The following RFX3 variants were observed in gnomAD, a reference collection of about 807,000 sequenced individuals.
RFX3 encodes the protein transcription factor RFX3.
A neutral mutation model predicts 98.6 loss-of-function variants in RFX3; 14 were observed. The observed-to-expected ratio is 0.14, with a 90% CI of 0.09 to 0.22. The LOEUF (loss-of-function observed/expected upper bound fraction) is 0.22. RFX3 is among the 10% of genes least tolerant of loss of function. The pLI is 1.00. For synonymous variants in RFX3, 383 were observed against 328.4 expected (o/e 1.17, Z -1.80); for missense variants, 639 against 926.9 (o/e 0.69, Z 4.03).
At chr9:3,451,421 G>A (rs1029024964) in intron 1 of RFX3, among the ~76,000 whole-genome samples, 3 of 152,076 alleles carry the variant, frequency 2.0e-5, no homozygotes, top group African/African-American at 7.2e-5. Context: ...TGGCGTGTCT[G>A]TAGTCCCAGC....
intron 7 of RFX3, among the ~76,000 whole-genome samples, chr9:3,277,907 G>T (rs1407682118): frequency 6.6e-6 from 1 of 151,904 alleles, no homozygotes; most frequent in African/African-American, 2.4e-5. Context: ...AACATGATCA[G>T]CCTACAAATC....
intron 14 of RFX3, among the ~76,000 whole-genome samples, chr9:3,253,222 A>C (rs1310567963): frequency 6.6e-6 from 1 of 152,158 alleles, no homozygotes; most frequent in Non-Finnish European, 1.5e-5. Flanking sequence ...GCCTCTTCTG[A>C]GTGTTTGAAG....
rs1851116480 is a variant in RFX3 at position 3,496,469 on chromosome 9, T to C, written c.-9+29278A>G. On this transcript the variant is annotated intron_variant, in intron 1 of 16. Transcript: ENST00000617270. ...TTTTGTTTCTGATTGTCTACTGCCA[T>C]GTTACTATTTTCAGCTGCTACCCTC... Among the ~76,000 whole-genome samples the C allele has an allele frequency of 3.3e-5, 5 of 152,042 alleles. No individual in the cohort carries two copies. In the South Asian group the frequency reaches 1.0e-3, roughly 31 times the overall value.
intron 2 of RFX3, among the ~76,000 whole-genome samples, chr9:3,365,253 T>A (rs1393961537): frequency 1.5e-5 from 2 of 133,826 alleles, no homozygotes; most frequent in South Asian, 2.3e-4. Flanking sequence ...TGAGCCGAGA[T>A]CACACCATTG....
In RFX3 at chr9:3,469,402, C is replaced by T. The variant is rs556932431; in HGVS notation, c.-9+56345G>A. Reference sequence around the variant, plus strand: ...TTTAAGGATCAACTTGGGTATTTTTCCAGGACACCCAATAAGGATGAAAAC... The same window carrying T: ...TTTAAGGATCAACTTGGGTATTTTTTCAGGACACCCAATAAGGATGAAAAC... On this transcript the variant is annotated intron_variant, in intron 1 of 16. Transcript: ENST00000617270. Among the ~76,000 whole-genome samples, 279 of 152,082 alleles carry T rather than the reference C, an allele frequency of 1.8e-3. 1 individual carries two copies. Among genetic ancestry groups the T allele is most frequent in the African/African-American group, 6.4e-3 (266 of 41,468 alleles).
At chr9:3,388,638 T>A (rs1422725474) in intron 2 of RFX3, among the ~76,000 whole-genome samples, 2 of 152,046 alleles carry the variant, frequency 1.3e-5, no homozygotes, top group African/African-American at 4.8e-5. Flanking sequence ...TGAAAGGAGC[T>A]TTTATGGCAT....
Position 3,395,635 on chromosome 9 carries a change from A to G in RFX3, c.-8-39T>C, listed in dbSNP as rs1840778466. On this transcript the variant is annotated intron_variant, in intron 1 of 16. Coordinates refer to ENST00000617270, the MANE Select transcript of RFX3 (RefSeq NM_001282116.2). ...AAATGAAATTAAAGTTTAAAATGTC[A>G]CTCCTGCATGACTAGCTTCCTTACA... The G allele has an allele frequency of 1.9e-6, 3 of 1,602,136 alleles. No homozygotes were observed. The African/African-American group carries it at 4.0e-5, about 21-fold the overall frequency.
intron 1 of RFX3, among the ~76,000 whole-genome samples, chr9:3,443,582 C>T (rs775104203): frequency 1.3e-5 from 2 of 152,196 alleles, no homozygotes; most frequent in African/African-American, 4.8e-5. Flanking sequence ...ATATGCACCA[C>T]ATTTTCTTTA....
chr9:3,265,606 C>G (rs75711262), intron 12 of RFX3, among the ~76,000 whole-genome samples: 4 of 152,150 alleles, frequency 2.6e-5, no homozygotes, highest in African/African-American at 9.7e-5. Context: ...CTGGAAGCAG[C>G]ATGGCTAGTA....
chr9:3,506,060 T>C (rs535413576), intron 1 of RFX3, among the ~76,000 whole-genome samples: 1 of 151,710 alleles, frequency 6.6e-6, no homozygotes, highest in Non-Finnish European at 1.5e-5. Flanking sequence ...CTTACAGAAA[T>C]TGAAGAGCAC....
At chr9:3,302,650 T>C (rs1282533836) in intron 4 of RFX3, among the ~76,000 whole-genome samples, 1 of 151,852 alleles carries the variant, frequency 6.6e-6, no homozygotes, top group Non-Finnish European at 1.5e-5. Flanking sequence ...CTTTAAAACA[T>C]ATTTAACTTT....
At chr9:3,414,507 A>G (rs34283600) in intron 1 of RFX3, among the ~76,000 whole-genome samples, 12,494 of 150,646 alleles carry the variant, frequency 0.083, 557 homozygotes, top group East Asian at 0.1. Flanking sequence ...ATATACATAT[A>G]TAAGAGTATA....
At chr9:3,376,033 T>C (rs1400409924) in intron 2 of RFX3, among the ~76,000 whole-genome samples, 1 of 152,042 alleles carries the variant, frequency 6.6e-6, no homozygotes, top group African/African-American at 2.4e-5. Context: ...AATAGTAAGC[T>C]CTCAGTAGGC....
chr9:3,374,057 G>A (rs780474276), intron 2 of RFX3, among the ~76,000 whole-genome samples: 10 of 151,332 alleles, frequency 6.6e-5, no homozygotes, highest in South Asian at 2.1e-4. Context: ...CAGCCTGGGC[G>A]ACAGAGTGAG....
At chr9:3,408,728 A>C (rs1168793727) in intron 1 of RFX3, among the ~76,000 whole-genome samples, 1 of 152,018 alleles carries the variant, frequency 6.6e-6, no homozygotes, top group Non-Finnish European at 1.5e-5. Flanking sequence ...CACGCAAATA[A>C]ACACAGAGGG....
intron 1 of RFX3, among the ~76,000 whole-genome samples, chr9:3,499,682 C>T (rs902967382): frequency 6.6e-6 from 1 of 151,970 alleles, no homozygotes; most frequent in African/African-American, 2.4e-5. Flanking sequence ...ATTTGTATTA[C>T]TTATTTTTAA....
chr9:3,486,117 C>A (rs2133428192), intron 1 of RFX3, among the ~76,000 whole-genome samples: 1 of 86,830 alleles, frequency 1.2e-5, no homozygotes, highest in African/African-American at 5.2e-5. Context: ...AAAAGTGAAA[C>A]TGTCTCAAAC....
chr9:3,325,893 A>G (rs747413818), intron 4 of RFX3, among the ~76,000 whole-genome samples: 4 of 152,142 alleles, frequency 2.6e-5, no homozygotes, highest in Admixed American at 6.5e-5. Flanking sequence ...AGAGGGAAAT[A>G]TTATGTTGAT....
chr9:3,334,674 G>C (rs1173635412), intron 3 of RFX3, among the ~76,000 whole-genome samples: 2 of 152,164 alleles, frequency 1.3e-5, no homozygotes, highest in Non-Finnish European at 2.9e-5. Flanking sequence ...CTGGGGTAAA[G>C]AGTAGCAATT....
Sources: gnomAD v4.1 joint callset for allele counts (sites outside exome capture counted in the v4.1 genomes callset) on GRCh38, gnomAD v4.1.1 for gene constraint, MANE v1.5 for transcripts, NCBI Gene and HGNC (gene_info 2026-07-23, HGNC 2026-07-21) for gene names.